EDN1: variants seen among roughly 807,000 people sequenced by gnomAD.
The protein encoded by EDN1 is endothelin-1.
EDN1 carries 11 observed loss-of-function variants against 21.7 expected under a neutral mutation model. The observed-to-expected ratio is 0.51, with a 90% confidence interval of 0.32 to 0.84. The LOEUF (loss-of-function observed/expected upper bound fraction) is 0.84. Ranked by LOEUF, EDN1 falls within the 40% of genes least tolerant of loss-of-function variation. The pLI, the probability that EDN1 is intolerant of heterozygous loss-of-function variation, is 0.03. For missense variants in EDN1, 244 were observed against 262.3 expected, an observed-to-expected ratio of 0.93 and a Z score of 0.48; for synonymous variants, 85 against 90.6, an observed-to-expected ratio of 0.94 and a Z score of 0.35.
rs189274493 is a variant in EDN1 at position 12,296,345 on chromosome 6, G to A, written c.*278G>A. The A allele has an allele frequency of 2.8e-5, 11 of 399,902 alleles. No homozygotes were observed. Among genetic ancestry groups the A allele is most frequent in the Middle Eastern group, 7.6e-4 (1 of 1,310 alleles). The allele number at this position is 399,902 out of a possible 1,614,324, so 24.8% of individuals were successfully genotyped here. ...GAAACACACAGTCACATTCGAATTCGGGTGGCATCCTCCGGAGAGAGAGAG... is the reference window on the plus strand; with the variant it reads ...GAAACACACAGTCACATTCGAATTCAGGTGGCATCCTCCGGAGAGAGAGAG... On this transcript the variant is annotated 3_prime_UTR_variant, in exon 5 of 5. Coordinates refer to ENST00000379375, the MANE Select transcript of EDN1 (RefSeq NM_001955.5).
At chr6:12,243,238 A>T in the EDN1 span, among the ~76,000 whole-genome samples, 1 of 149,202 alleles carries the variant, frequency 6.7e-6, no homozygotes, top group Non-Finnish European at 1.5e-5. Context: ...AGTAAGTGGA[A>T]GTGGATCATC....
At chr6:12,241,861 C>G in the EDN1 span, among the ~76,000 whole-genome samples, 1 of 152,134 alleles carries the variant, frequency 6.6e-6, no homozygotes, top group Non-Finnish European at 1.5e-5. Context: ...CAAATTTAAA[C>G]TCAATAAACC....
At chr6:12,266,456 G>A in the EDN1 span, among the ~76,000 whole-genome samples, 1 of 152,154 alleles carries the variant, frequency 6.6e-6, no homozygotes, top group Admixed American at 6.5e-5. Context: ...CCCTGGAACT[G>A]CTCTTACTGA....
At chr6:12,261,959 G>C in the EDN1 span, among the ~76,000 whole-genome samples, 4 of 152,110 alleles carry the variant, frequency 2.6e-5, no homozygotes, top group Non-Finnish European at 4.4e-5. Flanking sequence ...AGAAATTCTG[G>C]GAGTTGAGGG....
the EDN1 span, among the ~76,000 whole-genome samples, chr6:12,233,826 C>G: frequency 6.6e-6 from 1 of 152,330 alleles, no homozygotes; most frequent in East Asian, 1.9e-4. Flanking sequence ...ACCCTTCTTC[C>G]GCTCCTCCTC....
chr6:12,277,998 G>C, the EDN1 span, among the ~76,000 whole-genome samples: 168 of 152,290 alleles, frequency 1.1e-3, 1 homozygote, highest in Non-Finnish European at 1.5e-3. Flanking sequence ...AGTGGGACTT[G>C]GTTATGAATT....
the EDN1 span, among the ~76,000 whole-genome samples, chr6:12,258,448 T>TAAAAAAAAAAAAAAAAAAA: frequency 1.4e-4 from 4 of 27,730 alleles, 1 homozygote; most frequent in African/African-American, 2.0e-4. Context: ...AGATCATGTC[T>TAAAAAAAAAAAAAAAAAAA]CAAAAAAAAA....
the EDN1 span, among the ~76,000 whole-genome samples, chr6:12,284,392 T>A: frequency 8.6e-5 from 13 of 151,882 alleles, no homozygotes; most frequent in African/African-American, 2.4e-4. Context: ...ATGCATAATA[T>A]TCCCAGCTAC....
At chr6:12,285,881 C>G (rs1014505), upstream of EDN1, among the ~76,000 whole-genome samples, 56,439 of 152,008 alleles carry the variant, frequency 0.37, 13,226 homozygotes, top group Non-Finnish European at 0.52. Flanking sequence ...TTTTTAATAG[C>G]TTAATGAATG....
intron 4 of EDN1, 40 bp from the exon 5 acceptor site, chr6:12,295,922 T>C: frequency 1.3e-6 from 2 of 1,599,592 alleles, no homozygotes; most frequent in Non-Finnish European, 1.7e-6. Flanking sequence ...GGGTGATTTT[T>C]TTAAAATAAC....
At chr6:12,258,470 A>AAAAAAAAAAG in the EDN1 span, among the ~76,000 whole-genome samples, 6 of 151,078 alleles carry the variant, frequency 4.0e-5, no homozygotes, top group African/African-American at 1.2e-4. Flanking sequence ...AAAAAAAAAA[A>AAAAAAAAAAG]AGCCAATTAC....
chr6:12,273,964 G>A, the EDN1 span, among the ~76,000 whole-genome samples: 2 of 152,196 alleles, frequency 1.3e-5, no homozygotes, highest in African/African-American at 2.4e-5. Flanking sequence ...GTGCTAAATA[G>A]AGGGTGGATT....
chr6:12,233,800 T>A, the EDN1 span, among the ~76,000 whole-genome samples: 2 of 152,100 alleles, frequency 1.3e-5, no homozygotes, highest in Non-Finnish European at 2.9e-5. Flanking sequence ...TACCTTGGGG[T>A]TGATGTCCCA....
chr6:12,241,166 C>CTTTT, the EDN1 span, among the ~76,000 whole-genome samples: 255 of 138,298 alleles, frequency 1.8e-3, 3 homozygotes, highest in Middle Eastern at 7.5e-3. Flanking sequence ...TTCTTTCTTT[C>CTTTT]TTTTTTTTTT....
At chr6:12,265,919 T>C in the EDN1 span, among the ~76,000 whole-genome samples, 6 of 152,208 alleles carry the variant, frequency 3.9e-5, no homozygotes, top group Non-Finnish European at 5.9e-5. Flanking sequence ...AAGGCTACCC[T>C]GGTTAAGTTG....
chr6:12,290,765 C>T, intron 1 of EDN1, 72 bp downstream of exon 1: 1 of 1,352,970 alleles, frequency 7.4e-7, no homozygotes. Flanking sequence ...TCATGCTTTT[C>T]TTGCTTCTAT....
chr6:12,263,572 G>A, the EDN1 span, among the ~76,000 whole-genome samples: 1 of 152,072 alleles, frequency 6.6e-6, no homozygotes, highest in African/African-American at 2.4e-5. Context: ...CTCATTTATT[G>A]ACTTCCATCA....
chr6:12,295,187 T>A (rs188943914), intron 4 of EDN1, among the ~76,000 whole-genome samples: 1 of 152,302 alleles, frequency 6.6e-6, no homozygotes, highest in Admixed American at 6.5e-5. Flanking sequence ...TATGGAAACT[T>A]CTCTTAGAAA....
the EDN1 span, among the ~76,000 whole-genome samples, chr6:12,273,383 A>G: frequency 2.6e-5 from 4 of 152,296 alleles, no homozygotes; most frequent in South Asian, 8.3e-4. Context: ...GAGGAAGGGC[A>G]AAGGGAGAGA....
Sources: allele counts gnomAD v4.1 joint callset (sites outside exome capture counted in the v4.1 genomes callset), GRCh38; gene constraint gnomAD v4.1.1; transcripts MANE v1.5; gene names NCBI Gene and HGNC (gene_info 2026-07-23, HGNC 2026-07-21).